PLB1: variants seen among roughly 807,000 people sequenced by gnomAD.
PLB1 encodes phospholipase B1, membrane-associated.
Under a neutral mutation model 227.4 loss-of-function variants are expected in PLB1, and 242 were observed. The ratio of observed to expected loss-of-function variants is 1.06; its 90% CI spans 0.96 to 1.18. The LOEUF (loss-of-function observed/expected upper bound fraction) is 1.18, where lower values mean the gene tolerates loss of function less well. PLB1 is among the 50% of genes most tolerant of loss of function. PLB1 has a pLI of 0.00. For missense variants in PLB1, 1,858 were observed against 1,816.3 expected (o/e 1.02, Z -0.42); for synonymous variants, 757 against 682.2 (o/e 1.11, Z -1.71).
intron 49 of PLB1, among the ~76,000 whole-genome samples, chr2:28,621,363 A>C (rs1687035417): frequency 6.6e-6 from 1 of 152,204 alleles, no homozygotes; most frequent in Non-Finnish European, 1.5e-5. Context: ...TCAAACGTGC[A>C]GGGTGGCTCT....
intron 20 of PLB1, among the ~76,000 whole-genome samples, chr2:28,567,550 T>G (rs1371405933): frequency 6.8e-6 from 1 of 147,982 alleles, no homozygotes. Context: ...CTCAGCTCAT[T>G]GCAACCTCCG....
intron 33 of PLB1, chr2:28,594,780 A>G (rs1260272970): frequency 1.3e-5 from 2 of 152,172 alleles, no homozygotes; most frequent in Non-Finnish European, 2.9e-5. Flanking sequence ...GCGTTTCCAC[A>G]AGTCCTTGGT....
Position 28,593,735 on chromosome 2 carries a change from T to A in PLB1, c.2302T>A (p.Tyr768Asn). ...PDDLPDVTTQ[Y>N]RGLSYSAGGD... is the part of the protein sequence containing the mutation. ...CGACCTCCCCGATGTCACCACACAGTATCGGGGACTGTCATACAGGTAATG... is the reference window on the plus strand; with the variant it reads ...CGACCTCCCCGATGTCACCACACAGAATCGGGGACTGTCATACAGGTAATG... Residue 768 changes from tyrosine to asparagine, a missense_variant, in exon 33 of 58, where the codon TAT becomes AAT. Physicochemically the swap from Tyr to Asn is moderately radical, Grantham distance 143 (BLOSUM62 -2). Transcript: ENST00000327757. The A allele has an allele frequency of 6.2e-7, 1 of 1,614,008 alleles. No individual in the cohort carries two copies. The highest frequency in any genetic ancestry group is 8.5e-7 in the Non-Finnish European group (1 of 1,179,912).
chr2:28,597,870 A>G (rs1683217079), intron 33 of PLB1, 135 bp from the exon 34 acceptor site: 1 of 815,088 alleles, frequency 1.2e-6, no homozygotes, highest in Non-Finnish European at 2.1e-6. Flanking sequence ...CCTCAAACTC[A>G]GAGATGGGTC....
chr2:28,554,345 T>G (rs11127169), intron 17 of PLB1, among the ~76,000 whole-genome samples: 66,421 of 151,626 alleles, frequency 0.44, 15,397 homozygotes, highest in South Asian at 0.55. Flanking sequence ...ATTTTTTTTT[T>G]GAAACACGGT....
chr2:28,519,677 C>G (rs574241657), intron 3 of PLB1, 28 bp from the exon 4 acceptor site: 15 of 1,561,344 alleles, frequency 9.6e-6, no homozygotes, highest in Non-Finnish European at 1.3e-5. Context: ...TAGATCTGAC[C>G]TTCCTATATG....
intron 17 of PLB1, among the ~76,000 whole-genome samples, chr2:28,554,353 G>A (rs1044653096): frequency 2.6e-5 from 4 of 151,618 alleles, no homozygotes; most frequent in Admixed American, 6.6e-5. Flanking sequence ...TTTGAAACAC[G>A]GTCTTACTCT....
intron 9 of PLB1, 135 bp from the exon 10 acceptor site, chr2:28,538,184 T>A: frequency 1.0e-6 from 1 of 996,448 alleles, no homozygotes. Context: ...TGTCCTCCTT[T>A]GTGGAATGCC....
At position 28,525,207 on chromosome 2, in the gene PLB1, A is replaced by G. The variant is rs1431465286; in HGVS notation, c.244-60A>G. The G allele has an allele frequency of 3.9e-6, 6 of 1,538,930 alleles. No individual in the cohort carries two copies. The Middle Eastern group carries it at 8.9e-4, about 229-fold the overall frequency. ...AGTTCTGACAGGCAGCTTGCGGTCTAACTAGAAGAGGCTCTGCCACCTCCC... is the reference window on the plus strand; with the variant it reads ...AGTTCTGACAGGCAGCTTGCGGTCTGACTAGAAGAGGCTCTGCCACCTCCC... On this transcript the variant is annotated intron_variant, in intron 4 of 57. Transcript: ENST00000327757.
At chr2:28,552,871 C>A (rs908898168) in intron 16 of PLB1, 57 bp from the exon 17 acceptor site, 1 of 1,461,274 alleles carries the variant, frequency 6.8e-7, no homozygotes, top group Non-Finnish European at 9.6e-7. Context: ...CCACTTCTCA[C>A]CCATTTCCAG....
chr2:28,580,127 G>A (rs1019883228), intron 23 of PLB1, among the ~76,000 whole-genome samples: 1 of 152,204 alleles, frequency 6.6e-6, no homozygotes, highest in Non-Finnish European at 1.5e-5. Flanking sequence ...AAGCTTCAGA[G>A]CCAAGTCATT....
chr2:28,602,059 CAAG>C (rs1684004382), intron 38 of PLB1, 95 bp downstream of exon 38: 2 of 1,237,996 alleles, frequency 1.6e-6, no homozygotes, highest in African/African-American at 1.5e-5. Context: ...CCCTTTCTCT[CAAG>C]GAGACAGCCA....
At chr2:28,554,110 C>T (rs888443654) in intron 17 of PLB1, among the ~76,000 whole-genome samples, 1 of 152,180 alleles carries the variant, frequency 6.6e-6, no homozygotes, top group African/African-American at 2.4e-5. Context: ...TACATATACA[C>T]ATTTAGTCTT....
At chr2:28,566,601 A>C in intron 19 of PLB1, 195 bp from the exon 20 acceptor site, 1 of 550,668 alleles carries the variant, frequency 1.8e-6, no homozygotes, top group African/African-American at 1.9e-5. Context: ...TTTTGTTTGG[A>C]TGTGCTGGCC....
chr2:28,551,591 A>T (rs1384003896), intron 16 of PLB1, among the ~76,000 whole-genome samples: 1 of 152,206 alleles, frequency 6.6e-6, no homozygotes, highest in East Asian at 1.9e-4. Flanking sequence ...CAATGAGCAT[A>T]CACCTGAGAC....
rs1239037739 is a variant in PLB1 at position 28,598,049 on chromosome 2, G to T, written c.2365+1G>T. On this transcript the variant is annotated splice_donor_variant, in intron 34 of 57. Coordinates refer to ENST00000327757, the MANE Select transcript of PLB1 (RefSeq NM_153021.5). LOFTEE classifies it high-confidence loss of function. ...CTGGAGAATGTGACCACCTTACCTAGTAAGTAACCATCAGGGGCTTGAATC... is the reference window on the plus strand; with the variant it reads ...CTGGAGAATGTGACCACCTTACCTATTAAGTAACCATCAGGGGCTTGAATC... 1.2e-6 allele frequency: 2 copies of T among 1,611,866 alleles called. No individual in the cohort carries two copies. Among genetic ancestry groups the T allele is most frequent in the Non-Finnish European group, 1.7e-6 (2 of 1,178,492 alleles).
At chr2:28,596,784 C>T (rs901323428) in intron 33 of PLB1, among the ~76,000 whole-genome samples, 7 of 152,220 alleles carry the variant, frequency 4.6e-5, no homozygotes, top group African/African-American at 7.2e-5. Flanking sequence ...GTAAGATTTA[C>T]GGCATCTGCC....
intron 17 of PLB1, 93 bp from the exon 18 acceptor site, chr2:28,562,948 T>C (rs1676294247): frequency 1.6e-6 from 2 of 1,250,370 alleles, no homozygotes; most frequent in South Asian, 2.4e-5. Flanking sequence ...TTTTTCTTTG[T>C]TATCCTGGAA....
At chr2:28,567,514 C>G (rs1009887491) in intron 20 of PLB1, among the ~76,000 whole-genome samples, 1 of 128,092 alleles carries the variant, frequency 7.8e-6, no homozygotes, top group Non-Finnish European at 1.6e-5. Flanking sequence ...ACTCTGTTGC[C>G]AGGCTGGAGT....
Sources: allele counts gnomAD v4.1 joint callset (sites outside exome capture counted in the v4.1 genomes callset), GRCh38; gene constraint gnomAD v4.1.1; transcripts MANE v1.5; gene names NCBI Gene and HGNC (gene_info 2026-07-23, HGNC 2026-07-21).